Variants in GREM2 observed in about 807,000 individuals in gnomAD.
GREM2 encodes the protein gremlin-2.
A neutral mutation model predicts 14.2 loss-of-function variants in GREM2; 11 were observed. That is an observed-to-expected ratio of 0.78 (90% CI 0.49 to 1.28). GREM2 has a LOEUF of 1.28. GREM2 is among the 50% of genes most tolerant of loss of function. The pLI is 0.00. For synonymous variants in GREM2, 98 were observed against 97.6 expected, an observed-to-expected ratio of 1.00 and a Z score of -0.02; for missense variants, 210 against 218.5, an observed-to-expected ratio of 0.96 and a Z score of 0.24.
chr1:240,520,202 G>C (rs1344907041), intron 1 of GREM2, among the ~76,000 whole-genome samples: 3 of 152,124 alleles, frequency 2.0e-5, no homozygotes, highest in Admixed American at 2.0e-4. Flanking sequence ...ATTTTTGTGT[G>C]TATGAGTATG....
chr1:240,547,515 ATATATAT>A lies in GREM2; in HGVS notation c.-1-54046_-1-54040del, dbSNP rs1209444337. 3.0e-4 allele frequency among the ~76,000 whole-genome samples: 19 copies of A among 64,224 alleles called. No homozygotes were observed. The Admixed American group carries it at 3.2e-3, about 11-fold the overall frequency. 42.1% of individuals were successfully genotyped at this position (64,224 alleles called of 152,430 possible). A position where few individuals can be genotyped will look rare whatever the true frequency, so the allele number is the denominator to read the frequency against. ...ACTCCATCTCAAAAAAAAAAAAAAA[ATATATAT>A]ATATATATATATAGATAGATAGATA... On this transcript the variant is annotated intron_variant, in intron 1 of 1. Coordinates refer to ENST00000318160, the MANE Select transcript of GREM2 (RefSeq NM_022469.4).
chr1:240,577,809 G>A (rs1289182061), intron 1 of GREM2, among the ~76,000 whole-genome samples: 1 of 152,162 alleles, frequency 6.6e-6, no homozygotes, highest in Non-Finnish European at 1.5e-5. Context: ...TAGCCTGTAG[G>A]TTTATGGAAA....
intron 1 of GREM2, among the ~76,000 whole-genome samples, chr1:240,537,522 TG>T (rs373737477): frequency 7.2e-5 from 11 of 152,040 alleles, no homozygotes; most frequent in African/African-American, 2.7e-4. Context: ...CCGGGCACGG[TG>T]GCTGTAATCC....
intron 1 of GREM2, among the ~76,000 whole-genome samples, chr1:240,556,527 C>T (rs1197297189): frequency 1.3e-5 from 2 of 152,022 alleles, no homozygotes; most frequent in African/African-American, 2.4e-5. Context: ...AGGAAATCCT[C>T]TAAGATTAGA....
At chr1:240,510,155 G>A (rs1223062773) in intron 1 of GREM2, among the ~76,000 whole-genome samples, 2 of 151,952 alleles carry the variant, frequency 1.3e-5, no homozygotes, top group Admixed American at 6.6e-5. Context: ...GGATCACGAG[G>A]TCAGGAGATT....
At chr1:240,554,907 G>T (rs1051463384) in intron 1 of GREM2, among the ~76,000 whole-genome samples, 1 of 152,152 alleles carries the variant, frequency 6.6e-6, no homozygotes, top group Non-Finnish European at 1.5e-5. Flanking sequence ...ACTTTGGGAG[G>T]TTGAGGCGGG....
intron 1 of GREM2, among the ~76,000 whole-genome samples, chr1:240,499,405 A>G (rs1170818420): frequency 6.6e-6 from 1 of 152,214 alleles, no homozygotes; most frequent in Non-Finnish European, 1.5e-5. Context: ...GGAAGTCCCC[A>G]GGGCTGAATA....
At chr1:240,528,561 T>A (rs1197796616) in intron 1 of GREM2, among the ~76,000 whole-genome samples, 3 of 152,180 alleles carry the variant, frequency 2.0e-5, no homozygotes, top group Non-Finnish European at 4.4e-5. Context: ...TTTCTGTGGA[T>A]AAACCCATAA....
At chr1:240,607,067 C>G (rs1680040506) in intron 1 of GREM2, among the ~76,000 whole-genome samples, 1 of 152,148 alleles carries the variant, frequency 6.6e-6, no homozygotes, top group Admixed American at 6.5e-5. Context: ...AGGATAATAA[C>G]ACTACTAGCT....
intron 1 of GREM2, among the ~76,000 whole-genome samples, chr1:240,535,771 C>A (rs964062268): frequency 6.8e-6 from 1 of 146,038 alleles, no homozygotes; most frequent in African/African-American, 2.6e-5. Flanking sequence ...TGCACTCCAG[C>A]CTAGATGATA....
At chr1:240,546,681 G>C (rs555160993) in intron 1 of GREM2, among the ~76,000 whole-genome samples, 1 of 152,280 alleles carries the variant, frequency 6.6e-6, no homozygotes, top group African/African-American at 2.4e-5. Context: ...ATCAGTTTCA[G>C]AGTTTTAAAA....
At chr1:240,537,729 G>A (rs1055511378) in intron 1 of GREM2, among the ~76,000 whole-genome samples, 1 of 152,122 alleles carries the variant, frequency 6.6e-6, no homozygotes, top group Non-Finnish European at 1.5e-5. Context: ...AGGTTGCAGT[G>A]AGCCGAGATG....
At chr1:240,582,009 C>A (rs1029019854) in intron 1 of GREM2, among the ~76,000 whole-genome samples, 1 of 152,212 alleles carries the variant, frequency 6.6e-6, no homozygotes, top group Non-Finnish European at 1.5e-5. Flanking sequence ...GATTGCTGGG[C>A]CCCACCTTCA....
chr1:240,546,192 A>T (rs1678712401), intron 1 of GREM2, among the ~76,000 whole-genome samples: 2 of 152,014 alleles, frequency 1.3e-5, no homozygotes, highest in South Asian at 2.1e-4. Flanking sequence ...AACAAAAATT[A>T]GCCAGGCATG....
Position 240,598,950 on chromosome 1 carries a change from T to C in GREM2, c.-2+12934A>G, listed in dbSNP as rs528353092. On this transcript the variant is annotated intron_variant, in intron 1 of 1. Transcript: ENST00000318160. ...ACTTACCCACCCATCCATCCATCCA[T>C]CCATCCATCCACTGATTCATTCAAT... is the stretch of plus-strand genomic sequence containing the variant. 2.6e-5 allele frequency among the ~76,000 whole-genome samples: 4 copies of C among 152,202 alleles called. 1 individual carries two copies. Among genetic ancestry groups the C allele is most frequent in the South Asian group, 4.1e-4 (2 of 4,820 alleles).
At chr1:240,573,595 G>T (rs1679301333) in intron 1 of GREM2, among the ~76,000 whole-genome samples, 1 of 152,156 alleles carries the variant, frequency 6.6e-6, no homozygotes, top group Non-Finnish European at 1.5e-5. Context: ...CTGGCGTCCT[G>T]CGATCTTGAT....
chr1:240,584,385 C>G (rs1209357534), intron 1 of GREM2, among the ~76,000 whole-genome samples: 3 of 150,524 alleles, frequency 2.0e-5, no homozygotes, highest in Non-Finnish European at 2.9e-5. Context: ...ATCCCAGCTA[C>G]AGGGGAGGCT....
intron 1 of GREM2, among the ~76,000 whole-genome samples, chr1:240,592,156 G>A (rs578248003): frequency 6.6e-6 from 1 of 152,268 alleles, no homozygotes; most frequent in South Asian, 2.1e-4. Context: ...ATTTGCTTGA[G>A]ACTACTTCTA....
intron 1 of GREM2, among the ~76,000 whole-genome samples, chr1:240,524,304 C>T (rs1572381286): frequency 1.3e-5 from 2 of 152,372 alleles, no homozygotes; most frequent in Admixed American, 1.3e-4. Flanking sequence ...TGGGCCACCA[C>T]ACCCAGCTCA....
Sources: allele counts gnomAD v4.1 joint callset (sites outside exome capture counted in the v4.1 genomes callset), GRCh38; gene constraint gnomAD v4.1.1; transcripts MANE v1.5; gene names NCBI Gene and HGNC (gene_info 2026-07-23, HGNC 2026-07-21).